The following AP2B1 variants were observed in gnomAD, a reference collection of about 807,000 sequenced individuals.
The protein encoded by AP2B1 is AP-2 complex subunit beta.
Under a neutral mutation model 102.0 loss-of-function variants are expected in AP2B1, and 23 were observed. The ratio of observed to expected loss-of-function variants is 0.23; its 90% confidence interval spans 0.16 to 0.32. The LOEUF is 0.32. Among genes scored for constraint, AP2B1 ranks in the 10% least tolerant of loss-of-function variants. The pLI is 1.00. For synonymous variants in AP2B1, 381 were observed against 421.2 expected, an observed-to-expected ratio of 0.90 and a Z score of 1.17; for missense variants, 541 against 1,157.4, an observed-to-expected ratio of 0.47 and a Z score of 7.73.
intron 5 of AP2B1, among the ~76,000 whole-genome samples, chr17:35,621,732 A>C (rs2074184698): frequency 6.6e-6 from 1 of 152,238 alleles, no homozygotes. Flanking sequence ...GCCTATAATA[A>C]CAGAGGATTT....
In AP2B1 at chr17:35,601,089, G is replaced by T. The variant is rs2073465188; in HGVS notation, c.143+2754G>T. 3.9e-6 allele frequency: 3 copies of T among 773,212 alleles called. No homozygotes were observed. The African/African-American group carries it at 5.7e-5, about 15-fold the overall frequency. 47.9% of individuals were successfully genotyped at this position (773,212 alleles called of 1,614,324 possible). The stretch of plus-strand genomic sequence containing the variant: ...ACAAAATAGTAAGTACATCAGGCTG[G>T]CATAGTAAGTACTCTTTGCTTAGCA... On this transcript the variant is annotated intron_variant, in intron 3 of 21. Coordinates refer to ENST00000610402, the MANE Select transcript of AP2B1 (RefSeq NM_001030006.2).
chr17:35,664,560 A>C (rs571525240), intron 14 of AP2B1, among the ~76,000 whole-genome samples: 1 of 152,338 alleles, frequency 6.6e-6, no homozygotes, highest in African/African-American at 2.4e-5. Flanking sequence ...ATTCACTTCA[A>C]GATTGTCTCC....
rs753863772 is a variant in AP2B1, at chr17:35,671,744, T to C, written c.2032-10T>C. The C allele has an allele frequency of 1.9e-6, 3 of 1,612,590 alleles. No homozygotes were observed. Among genetic ancestry groups the C allele is most frequent in the Non-Finnish European group, 1.7e-6 (2 of 1,179,424 alleles). On this transcript the variant is annotated splice_polypyrimidine_tract_variant and intron_variant, in intron 15 of 21. Transcript: ENST00000610402. ...CAATCTCCCCTCTCCCTTTTTTTTT[T>C]CTCCTGCAGGTGGGACAATCCTTCA...
chr17:35,625,489 C>T (rs776461680), intron 6 of AP2B1, among the ~76,000 whole-genome samples: 1 of 152,104 alleles, frequency 6.6e-6, no homozygotes, highest in Admixed American at 6.6e-5. Context: ...TGGCCATTGA[C>T]ATCACATTCA....
Position 35,605,846 on chromosome 17 carries a change from T to G in AP2B1, c.279+6T>G. On this transcript the variant is annotated splice_donor_region_variant and intron_variant, in intron 4 of 21. Transcript: ENST00000610402. The stretch of plus-strand genomic sequence containing the variant: ...CTGTAAACAGCTTTGTGAAGGTAAC[T>G]TTTCCCAAGGCCTCAATAACAGAGT... 1 of 1,608,140 alleles carries G rather than the reference T, an allele frequency of 6.2e-7. No individual in the cohort carries two copies. The highest frequency in any genetic ancestry group is 8.5e-7 in the Non-Finnish European group (1 of 1,177,948).
chr17:35,694,083 C>T (rs170483), intron 18 of AP2B1, among the ~76,000 whole-genome samples: 54,306 of 151,994 alleles, frequency 0.36, 9,899 homozygotes, highest in East Asian at 0.45. Context: ...TGTTCATTGA[C>T]ACCAATTACT....
chr17:35,656,849 C>T (rs1598196239), intron 13 of AP2B1, among the ~76,000 whole-genome samples: 1 of 147,040 alleles, frequency 6.8e-6, no homozygotes, highest in Admixed American at 6.8e-5. Context: ...GGCGCCACTG[C>T]ACTCCAGCCT....
intron 17 of AP2B1, among the ~76,000 whole-genome samples, chr17:35,677,187 A>G (rs752529303): frequency 3.3e-5 from 5 of 151,890 alleles, no homozygotes; most frequent in Non-Finnish European, 7.4e-5. Flanking sequence ...ATGGGGTCCC[A>G]CTCTGTTGCT....
At chr17:35,680,753 G>A (rs2075807266) in intron 17 of AP2B1, among the ~76,000 whole-genome samples, 1 of 146,198 alleles carries the variant, frequency 6.8e-6, no homozygotes, top group Non-Finnish European at 1.5e-5. Flanking sequence ...CTGGAGTGCA[G>A]TGGCACAATC....
rs1463406679 is a variant in AP2B1, at chr17:35,640,230, T to TTTTC, written c.1437+473_1437+474insCTTT. Among the ~76,000 whole-genome samples, 5 of 29,462 alleles carry TTTTC rather than the reference T, an allele frequency of 1.7e-4. 1 individual carries two copies. The highest frequency in any genetic ancestry group is 1.4e-3 in the African/African-American group (5 of 3,548). The allele number at this position is 29,462 out of a possible 152,430, so 19.3% of individuals were successfully genotyped here. A position where few individuals can be genotyped will look rare whatever the true frequency, so the allele number is the denominator to read the frequency against. ...CTATGCCTGGCCAGTTTTACTGATT[T>TTTTC]TTTTTTTTTTTTTTTTTTTTTTTTT... On this transcript the variant is annotated intron_variant, in intron 11 of 21. Coordinates refer to ENST00000610402, the MANE Select transcript of AP2B1 (RefSeq NM_001030006.2).
intron 5 of AP2B1, among the ~76,000 whole-genome samples, chr17:35,623,097 A>ATT (rs11397695): frequency 0.015 from 2,139 of 146,422 alleles, 32 homozygotes; most frequent in African/African-American, 0.039. Context: ...GTATGTATGC[A>ATT]TTTTTTTTTT....
At chr17:35,701,329 G>A (rs1477863552) in intron 18 of AP2B1, among the ~76,000 whole-genome samples, 1 of 152,002 alleles carries the variant, frequency 6.6e-6, no homozygotes, top group Non-Finnish European at 1.5e-5. Context: ...CCAAGCTAGG[G>A]ATACTTGAAG....
chr17:35,637,668 A>G (rs1161713948), intron 10 of AP2B1, among the ~76,000 whole-genome samples: 3 of 149,656 alleles, frequency 2.0e-5, no homozygotes, highest in Non-Finnish European at 4.4e-5. Context: ...CTCTCCCAAT[A>G]AAGAAGAGGG....
At chr17:35,707,990 C>T (rs1271560083) in intron 18 of AP2B1, among the ~76,000 whole-genome samples, 1 of 152,118 alleles carries the variant, frequency 6.6e-6, no homozygotes, top group African/African-American at 2.4e-5. Flanking sequence ...GGAATACAGG[C>T]ACCATTTAAA....
Position 35,631,965 on chromosome 17 carries a change from A to T in AP2B1, c.1155+4239A>T, listed in dbSNP as rs1002280347. Among the ~76,000 whole-genome samples, 8 of 151,964 alleles carry T rather than the reference A, an allele frequency of 5.3e-5. No individual in the cohort carries two copies. The South Asian group carries it at 1.4e-3, about 28-fold the overall frequency. The stretch of plus-strand genomic sequence containing the variant: ...ATTTTCCTAGTTTGTTGTCCTTTAG[A>T]TTTCTTCTGCTTTCTTGATGCACAG... On this transcript the variant is annotated intron_variant, in intron 9 of 21. Coordinates refer to ENST00000610402, the MANE Select transcript of AP2B1 (RefSeq NM_001030006.2).
chr17:35,667,588 C>A (rs1383202443), intron 14 of AP2B1, among the ~76,000 whole-genome samples: 1 of 152,132 alleles, frequency 6.6e-6, no homozygotes, highest in Non-Finnish European at 1.5e-5. Context: ...TATCATTCAA[C>A]GATAAAAAGA....
At chr17:35,597,084 G>T (rs1451399650) in intron 2 of AP2B1, 1 of 544,678 alleles carries the variant, frequency 1.8e-6, no homozygotes, top group Non-Finnish European at 3.4e-6. Flanking sequence ...GGGCGCCCCC[G>T]CTCCGGGGCC....
chr17:35,639,573 A>G (rs2074708850), intron 10 of AP2B1, 22 bp from the exon 11 acceptor site: 11 of 1,594,856 alleles, frequency 6.9e-6, no homozygotes, highest in African/African-American at 4.0e-5. Context: ...CTCAATAACC[A>G]TAGTTCATTT....
intron 20 of AP2B1, among the ~76,000 whole-genome samples, chr17:35,710,798 T>G (rs1398155900): frequency 6.6e-6 from 1 of 152,210 alleles, no homozygotes; most frequent in Non-Finnish European, 1.5e-5. Flanking sequence ...GGGCCAAGTA[T>G]GGTGGCTCAT....
Sources: allele counts gnomAD v4.1 joint callset (sites outside exome capture counted in the v4.1 genomes callset), GRCh38; gene constraint gnomAD v4.1.1; transcripts MANE v1.5; gene names NCBI Gene and HGNC (gene_info 2026-07-23, HGNC 2026-07-21).